APBB1: variants seen among roughly 807,000 people sequenced by gnomAD.
APBB1 encodes adaptor protein FE65a2.
A neutral mutation model predicts 78.4 loss-of-function variants in APBB1; 22 were observed. That is an observed-to-expected ratio of 0.28 (90% CI 0.20 to 0.40). APBB1 has a LOEUF of 0.40. Among genes scored for constraint, APBB1 ranks in the 10% least tolerant of loss-of-function variants. The pLI is 1.00. For synonymous variants in APBB1, 369 were observed against 372.7 expected, an observed-to-expected ratio of 0.99 and a Z score of 0.12; for missense variants, 749 against 932.4, an observed-to-expected ratio of 0.80 and a Z score of 2.56.
rs376652176 is a variant in APBB1 at position 6,395,741 on chromosome 11, C to T, written c.1966-40G>A. On this transcript the variant is annotated intron_variant, in intron 14 of 14. Transcript: ENST00000609360. The surrounding 1 kb of genome is among the most constrained non-coding windows in gnomAD (Gnocchi z 5.2). ...AGGGCAGTCACTCCCCAGCCTACCT[C>T]CCATGGGGCCACGCCACCACCACAC... The T allele has an allele frequency of 2.8e-5, 45 of 1,604,350 alleles. No homozygotes were observed. In the African/African-American group the frequency reaches 4.2e-4, roughly 15 times the overall value.
intron 2 of APBB1, among the ~76,000 whole-genome samples, chr11:6,406,479 A>C (rs557197866): frequency 6.6e-6 from 1 of 152,216 alleles, no homozygotes; most frequent in Admixed American, 6.5e-5. Flanking sequence ...TCAGCTGCAC[A>C]GTACAGCCCA....
At chr11:6,413,027 C>T (rs990358003) in intron 1 of APBB1, among the ~76,000 whole-genome samples, 1 of 152,060 alleles carries the variant, frequency 6.6e-6, no homozygotes, top group African/African-American at 2.4e-5. Flanking sequence ...GGCCCCATTC[C>T]ATCCTCCCCA....
chr11:6,402,364 G>C (rs936154257), intron 7 of APBB1, 155 bp from the exon 8 acceptor site: 2 of 1,184,810 alleles, frequency 1.7e-6, no homozygotes, highest in African/African-American at 3.1e-5. Context: ...TGGAGGTCAC[G>C]TGTCATCTCT....
Position 6,403,496 on chromosome 11 carries a change from A to C in APBB1, c.946T>G (p.Phe316Val). Reference sequence around the variant, plus strand: ...CAGGTCCCCTTACCCACCTTCCAAAATTCTCCATCCTCAAAGCCTTCTCCA... The same window carrying C: ...CAGGTCCCCTTACCCACCTTCCAAACTTCTCCATCCTCAAAGCCTTCTCCA... ...AHGEGFEDGE[F>V]WKDEPSDEAP... The change falls in exon 4 of 15, where the codon TTT becomes GTT. Residue 316 changes from phenylalanine (F) to valine (V), a missense_variant. Around this residue, in one of 3 missense-constraint regions of APBB1, gnomAD observed 635 missense variants for 765.0 expected, o/e 0.83. Transcript: ENST00000609360. The surrounding 1 kb of genome is among the most constrained non-coding windows in gnomAD (Gnocchi z 5.3). The C allele has an allele frequency of 6.2e-7, 1 of 1,614,072 alleles. No individual in the cohort carries two copies. Among genetic ancestry groups the C allele is most frequent in the Admixed American group, 1.7e-5 (1 of 60,008 alleles).
In APBB1 at chr11:6,399,512, G is replaced by A. The variant is rs185828428; in HGVS notation, c.1672+1477C>T. ...TCACTGAGGCCTGTTGACTATACCC[G>A]TCTAAACAGCTCTTGAATCCACGCA... On this transcript the variant is annotated intron_variant, in intron 12 of 14. Transcript: ENST00000609360. 2.0e-3 allele frequency among the ~76,000 whole-genome samples: 297 copies of A among 152,226 alleles called. 5 individuals are homozygous for A. Among genetic ancestry groups the A allele is most frequent in the Admixed American group, 0.017 (262 of 15,282 alleles).
chr11:6,415,258 T>G (rs1849090600), intron 1 of APBB1, among the ~76,000 whole-genome samples: 1 of 152,110 alleles, frequency 6.6e-6, no homozygotes, highest in Non-Finnish European at 1.5e-5. Context: ...AAAGAAGTAG[T>G]CACTAAGCCT....
rs941297909 is a variant in APBB1, at chr11:6,408,773, G to C, written c.721+1854C>G. On this transcript the variant is annotated intron_variant, in intron 2 of 14. Transcript: ENST00000609360. ...CCTGCCTCGGCCTCCCAAAGTGCTGGGATTACAGGCATAAGCCACCATGCC... is the reference window on the plus strand; with the variant it reads ...CCTGCCTCGGCCTCCCAAAGTGCTGCGATTACAGGCATAAGCCACCATGCC... 2.0e-5 allele frequency among the ~76,000 whole-genome samples: 3 copies of C among 152,154 alleles called. No homozygotes were observed. The South Asian group carries it at 6.2e-4, about 32-fold the overall frequency.
At chr11:6,407,645 A>C (rs979254353) in intron 2 of APBB1, among the ~76,000 whole-genome samples, 11 of 152,182 alleles carry the variant, frequency 7.2e-5, no homozygotes, top group Non-Finnish European at 1.5e-4. Flanking sequence ...TCCTCACCCC[A>C]ATCCCAAAAA....
At chr11:6,404,736 G>GCC in intron 2 of APBB1, 1 of 1,536,212 alleles carries the variant, frequency 6.5e-7, no homozygotes, top group Non-Finnish European at 8.7e-7. Context: ...ACCTCATGCT[G>GCC]CCCCTCACCT....
At chr11:6,419,177 C>T (rs1486475649), upstream of APBB1, 6 of 326,910 alleles carry the variant, frequency 1.8e-5, no homozygotes, top group Non-Finnish European at 3.3e-5. Flanking sequence ...GGAGCGAGCT[C>T]GGCGGGCGCG....
chr11:6,400,639 G>C (rs1252764609), intron 12 of APBB1, among the ~76,000 whole-genome samples: 1 of 152,018 alleles, frequency 6.6e-6, no homozygotes, highest in Non-Finnish European at 1.5e-5. Flanking sequence ...AGCTGGTGCT[G>C]TAACACTAAA....
Position 6,401,390 on chromosome 11 carries a change from C to T in APBB1, c.1543G>A (p.Gly515Arg). 1 of 1,614,086 alleles carries T rather than the reference C, an allele frequency of 6.2e-7. No homozygotes were observed. The highest frequency in any genetic ancestry group is 8.5e-7 in the Non-Finnish European group (1 of 1,180,028). ...ERRNARCLVN[G>R]LSLDHSKLVD... is the part of the protein sequence containing the mutation. ...AGTTTAGAGTGGTCCAGGGAGAGTC[C>T]ATTTACCAAGCAGCGGGCATTACGC... Residue 515 changes from glycine (G) to arginine (R), a missense_variant, in exon 11 of 15, where the codon GGA becomes AGA. Around this residue, in one of 3 missense-constraint regions of APBB1, gnomAD observed 635 missense variants for 765.0 expected, o/e 0.83. Coordinates refer to ENST00000609360, the MANE Select transcript of APBB1 (RefSeq NM_001164.5). This position sits in a 1 kb window ranked among gnomAD's most constrained non-coding sequence, Gnocchi z 4.5.
Position 6,396,119 on chromosome 11 carries a change from A to ATAC in APBB1, c.1768_1769insGTA (p.Leu590delinsArgIle). ...CTTTACCTGCTGGTGCAAGATGGTG[A>ATAC]GGGTAGCAGGGGCCACACTGACATG... On this transcript the variant is annotated protein_altering_variant, in exon 13 of 15. Coordinates refer to ENST00000609360, the MANE Select transcript of APBB1 (RefSeq NM_001164.5). 6.4e-7 allele frequency: 1 copy of ATAC among 1,557,446 alleles called. No individual in the cohort carries two copies. The highest frequency in any genetic ancestry group is 8.7e-7 in the Non-Finnish European group (1 of 1,150,928).
At chr11:6,396,074 C>A in intron 13 of APBB1, 26 bp downstream of exon 13, 1 of 1,589,530 alleles carries the variant, frequency 6.3e-7, no homozygotes, top group South Asian at 1.1e-5. Flanking sequence ...CAAGGCGCAG[C>A]CACGACTTCT....
intron 1 of APBB1, among the ~76,000 whole-genome samples, chr11:6,416,030 C>T (rs1849108637): frequency 6.6e-6 from 1 of 152,108 alleles, no homozygotes; most frequent in Non-Finnish European, 1.5e-5. Context: ...AACCTGCTTC[C>T]ACTCCCAACA....
chr11:6,416,142 C>T (rs1849111613), intron 1 of APBB1, among the ~76,000 whole-genome samples: 1 of 152,154 alleles, frequency 6.6e-6, no homozygotes, highest in Admixed American at 6.6e-5. Flanking sequence ...GCATCTGACC[C>T]CGTGAATCTC....
chr11:6,401,816 A>T lies in APBB1; in HGVS notation c.1389-128T>A, dbSNP rs1174840780. 1 of 1,416,164 alleles carries T rather than the reference A, an allele frequency of 7.1e-7. No homozygotes were observed. The highest frequency in any genetic ancestry group is 1.4e-5 in the African/African-American group (1 of 71,022). 87.7% of individuals were successfully genotyped at this position (1,416,164 alleles called of 1,614,324 possible). A position where few individuals can be genotyped will look rare whatever the true frequency, so the allele number is the denominator to read the frequency against. ...CTTCTGCCCACAGCTGGTCCCCCAT[A>T]GGTGCTGCCTTCTTGGGGGGGAGGG... is the stretch of plus-strand genomic sequence containing the variant. On this transcript the variant is annotated intron_variant, in intron 9 of 14. Transcript: ENST00000609360. This position sits in a 1 kb window ranked among gnomAD's most constrained non-coding sequence, Gnocchi z 4.5.
At chr11:6,413,739 G>A (rs896887318) in intron 1 of APBB1, among the ~76,000 whole-genome samples, 3 of 152,022 alleles carry the variant, frequency 2.0e-5, no homozygotes, top group East Asian at 1.9e-4. Context: ...CCAAAGTGCT[G>A]GGATTACAGG....
chr11:6,408,293 AC>A (rs1437858429), intron 2 of APBB1, among the ~76,000 whole-genome samples: 4 of 152,178 alleles, frequency 2.6e-5, no homozygotes, highest in Non-Finnish European at 5.9e-5. Flanking sequence ...CAGTTAAAAA[AC>A]AAAAGCAAAA....
Sources: allele counts gnomAD v4.1 joint callset (sites outside exome capture counted in the v4.1 genomes callset), GRCh38; gene constraint gnomAD v4.1.1; regional missense constraint gnomAD v4.1.1; non-coding constraint Gnocchi (gnomAD v3.1); transcripts MANE v1.5; gene names NCBI Gene and HGNC (gene_info 2026-07-23, HGNC 2026-07-21).